The following HCN1 variants were observed in gnomAD, a reference collection of about 807,000 sequenced individuals.
HCN1 encodes hyperpolarization activated cyclic nucleotide gated potassium channel 1.
HCN1 carries 13 observed loss-of-function variants against 78.9 expected under a neutral mutation model. That is an observed-to-expected ratio of 0.16 (90% CI 0.11 to 0.26). The LOEUF (loss-of-function observed/expected upper bound fraction) is 0.26, where lower values mean the gene tolerates loss of function less well. Among genes scored for constraint, HCN1 ranks in the 10% least tolerant of loss-of-function variants. The probability of loss-of-function intolerance (pLI) is 1.00; values close to 1 mark genes in which losing one functional copy is unlikely to be tolerated. For synonymous variants in HCN1, 552 were observed against 455.5 expected (o/e 1.21, Z -2.70); for missense variants, 810 against 1,154.3 (o/e 0.70, Z 4.32).
At chr5:45,503,624 TAC>T (rs1742234537) in intron 2 of HCN1, among the ~76,000 whole-genome samples, 1 of 152,330 alleles carries the variant, frequency 6.6e-6, no homozygotes, top group Non-Finnish European at 1.5e-5. Context: ...CTATTATTTT[TAC>T]AGTTATATAT....
At chr5:45,276,400 G>A (rs1745059380) in intron 6 of HCN1, among the ~76,000 whole-genome samples, 1 of 152,108 alleles carries the variant, frequency 6.6e-6, no homozygotes, top group Non-Finnish European at 1.5e-5. Context: ...TAGTAAGTCT[G>A]GAGTGGGATG....
At chr5:45,502,864 T>C (rs1370736879) in intron 2 of HCN1, among the ~76,000 whole-genome samples, 1 of 152,146 alleles carries the variant, frequency 6.6e-6, no homozygotes, top group African/African-American at 2.4e-5. Context: ...ACGTCCTGCA[T>C]TGAGGAAAAC....
At chr5:45,436,630 T>G (rs1258830366) in intron 3 of HCN1, among the ~76,000 whole-genome samples, 1 of 152,202 alleles carries the variant, frequency 6.6e-6, no homozygotes, top group Admixed American at 6.5e-5. Flanking sequence ...ATTAAATGTT[T>G]TCTACTGAAT....
At chr5:45,348,238 A>T (rs1321050466) in intron 5 of HCN1, among the ~76,000 whole-genome samples, 2 of 152,224 alleles carry the variant, frequency 1.3e-5, no homozygotes, top group South Asian at 2.1e-4. Flanking sequence ...AAGAATTTTC[A>T]ACCCAGAATT....
chr5:45,651,803 C>T (rs927728260), intron 1 of HCN1, among the ~76,000 whole-genome samples: 21 of 151,872 alleles, frequency 1.4e-4, no homozygotes, highest in Admixed American at 5.3e-4. Flanking sequence ...CTTGATGTCT[C>T]ACAAGGCCAA....
intron 4 of HCN1, among the ~76,000 whole-genome samples, chr5:45,375,163 T>C (rs1457012252): frequency 8.3e-6 from 1 of 121,004 alleles, no homozygotes; most frequent in African/African-American, 3.2e-5. Flanking sequence ...TTATATATAA[T>C]ATATTTTATA....
At chr5:45,356,203 CTT>C (rs1371650587) in intron 4 of HCN1, among the ~76,000 whole-genome samples, 1 of 151,756 alleles carries the variant, frequency 6.6e-6, no homozygotes, top group Non-Finnish European at 1.5e-5. Context: ...CAAAATATGA[CTT>C]AGTATATTTA....
intron 5 of HCN1, among the ~76,000 whole-genome samples, chr5:45,325,851 T>C (rs1746224401): frequency 6.6e-6 from 1 of 151,738 alleles, no homozygotes; most frequent in Non-Finnish European, 1.5e-5. Context: ...TGCACTATAA[T>C]CTGTCTTATT....
intron 1 of HCN1, among the ~76,000 whole-genome samples, chr5:45,684,699 G>A (rs1247104139): frequency 6.6e-6 from 1 of 151,940 alleles, no homozygotes; most frequent in Non-Finnish European, 1.5e-5. Context: ...CATCTCTACT[G>A]AAAATACAAA....
chr5:45,454,119 G>A (rs906455441), intron 3 of HCN1, among the ~76,000 whole-genome samples: 1 of 152,066 alleles, frequency 6.6e-6, no homozygotes. Context: ...TATCCCTCTC[G>A]ATGATGAAAT....
chr5:45,655,574 G>T (rs910597556), intron 1 of HCN1, among the ~76,000 whole-genome samples: 2 of 152,112 alleles, frequency 1.3e-5, no homozygotes, highest in African/African-American at 4.8e-5. Flanking sequence ...TCACCTATCT[G>T]AGCAGGTGGT....
At chr5:45,323,064 T>C (rs1051290609) in intron 5 of HCN1, among the ~76,000 whole-genome samples, 8 of 151,868 alleles carry the variant, frequency 5.3e-5, no homozygotes, top group African/African-American at 1.9e-4. Flanking sequence ...ACAGTTCCGT[T>C]TTTAGAAAAT....
intron 2 of HCN1, among the ~76,000 whole-genome samples, chr5:45,541,641 G>A (rs1211981312): frequency 1.3e-5 from 2 of 148,876 alleles, no homozygotes; most frequent in Non-Finnish European, 2.9e-5. Context: ...TACAAAATCT[G>A]TAACACATAA....
At chr5:45,654,183 CA>C (rs1745727367) in intron 1 of HCN1, among the ~76,000 whole-genome samples, 1 of 151,946 alleles carries the variant, frequency 6.6e-6, no homozygotes, top group Non-Finnish European at 1.5e-5. Flanking sequence ...AAATATAACC[CA>C]TGAATTATAT....
chr5:45,442,667 C>G (rs953696177), intron 3 of HCN1, among the ~76,000 whole-genome samples: 5 of 150,480 alleles, frequency 3.3e-5, no homozygotes, highest in African/African-American at 4.8e-5. Context: ...CTTGATGACT[C>G]TAGGTATCAT....
intron 1 of HCN1, among the ~76,000 whole-genome samples, chr5:45,671,904 T>A (rs1746159666): frequency 6.6e-6 from 1 of 151,502 alleles, no homozygotes; most frequent in Non-Finnish European, 1.5e-5. Flanking sequence ...GATAATAGGG[T>A]TTCTTCTCAA....
At chr5:45,670,109 GA>G (rs1561239530) in intron 1 of HCN1, among the ~76,000 whole-genome samples, 1 of 151,396 alleles carries the variant, frequency 6.6e-6, no homozygotes, top group African/African-American at 2.4e-5. Context: ...TAGATGAAGA[GA>G]AAAAATTATA....
At chr5:45,277,135 TA>T (rs756036828) in intron 6 of HCN1, among the ~76,000 whole-genome samples, 7 of 152,094 alleles carry the variant, frequency 4.6e-5, no homozygotes, top group Non-Finnish European at 1.0e-4. Flanking sequence ...TTACATGGAA[TA>T]GAGTGGAGAG....
chr5:45,636,808 CT>C (rs1297204868), intron 2 of HCN1, among the ~76,000 whole-genome samples: 2 of 152,088 alleles, frequency 1.3e-5, no homozygotes, highest in African/African-American at 2.4e-5. Context: ...CACCACTGCA[CT>C]TTAGCCTGAG....
Sources: gnomAD v4.1 joint callset for allele counts (sites outside exome capture counted in the v4.1 genomes callset) on GRCh38, gnomAD v4.1.1 for gene constraint, MANE v1.5 for transcripts, NCBI Gene and HGNC (gene_info 2026-07-23, HGNC 2026-07-21) for gene names.